The following THNSL1 variants were observed in gnomAD, a reference collection of about 807,000 sequenced individuals.
THNSL1 encodes the protein threonine synthase like 1, also known as threonine synthase-like 1.
Under a neutral mutation model 50.4 loss-of-function variants are expected in THNSL1, and 48 were observed. That is an observed-to-expected ratio of 0.95 (90% confidence interval 0.76 to 1.21). The LOEUF (loss-of-function observed/expected upper bound fraction) is 1.21, where lower values mean the gene tolerates loss of function less well. THNSL1 is among the 50% of genes most tolerant of loss of function. The probability of loss-of-function intolerance (pLI) is 0.00; values close to 1 mark genes in which losing one functional copy is unlikely to be tolerated. For missense variants in THNSL1, 896 were observed against 871.7 expected, an observed-to-expected ratio of 1.03 and a Z score of -0.35; for synonymous variants, 309 against 306.1, an observed-to-expected ratio of 1.01 and a Z score of -0.10.
At chr10:24,995,888 C>G in the THNSL1 span, 6 of 1,578,180 alleles carry the variant, frequency 3.8e-6, no homozygotes, top group African/African-American at 8.2e-5. Flanking sequence ...TATAACATTT[C>G]TTTGTTAATA....
At chr10:24,999,037 C>G in the THNSL1 span, among the ~76,000 whole-genome samples, 2 of 152,134 alleles carry the variant, frequency 1.3e-5, no homozygotes, top group African/African-American at 4.8e-5. Flanking sequence ...GGAGAAAAGG[C>G]CAGACAGGGT....
chr10:25,017,316 A>C (rs995488786), intron 1 of THNSL1, among the ~76,000 whole-genome samples: 1 of 152,172 alleles, frequency 6.6e-6, no homozygotes, highest in Admixed American at 6.5e-5. Flanking sequence ...TAGGAAAGTC[A>C]TTTAGACGCT....
chr10:25,016,044 T>A, upstream of THNSL1: 1 of 1,475,658 alleles, frequency 6.8e-7, no homozygotes, highest in Non-Finnish European at 9.0e-7. Context: ...CTTCGCCTTC[T>A]GAAGGACCAC....
the THNSL1 span, among the ~76,000 whole-genome samples, chr10:24,978,716 T>C: frequency 6.6e-6 from 1 of 152,184 alleles, no homozygotes; most frequent in Admixed American, 6.5e-5. Flanking sequence ...TATGTGTTGG[T>C]GCAAATCATT....
At chr10:24,986,926 G>A in the THNSL1 span, among the ~76,000 whole-genome samples, 2 of 151,916 alleles carry the variant, frequency 1.3e-5, no homozygotes, top group African/African-American at 2.4e-5. Context: ...AAATAATATC[G>A]TTCATTTTGG....
At chr10:25,001,924 C>T in the THNSL1 span, among the ~76,000 whole-genome samples, 5 of 152,178 alleles carry the variant, frequency 3.3e-5, no homozygotes, top group East Asian at 7.7e-4. Context: ...TGATTGGATG[C>T]CAAACATTGT....
the THNSL1 span, among the ~76,000 whole-genome samples, chr10:25,001,077 C>G: frequency 2.6e-5 from 4 of 151,856 alleles, no homozygotes; most frequent in African/African-American, 9.7e-5. Context: ...ATTATGTTCC[C>G]TTTATATAAT....
the THNSL1 span, among the ~76,000 whole-genome samples, chr10:25,010,675 A>G: frequency 7.0e-6 from 1 of 142,496 alleles, no homozygotes; most frequent in Non-Finnish European, 1.5e-5. Context: ...ATTCCCATCT[A>G]TGAGTGAGAA....
intron 1 of THNSL1, among the ~76,000 whole-genome samples, chr10:25,018,370 A>G (rs73608225): frequency 0.028 from 4,219 of 152,330 alleles, 133 homozygotes; most frequent in African/African-American, 0.074. Flanking sequence ...GTATATACCT[A>G]CAGGGATGAA....
At chr10:24,960,679 A>C in the THNSL1 span, among the ~76,000 whole-genome samples, 3 of 151,878 alleles carry the variant, frequency 2.0e-5, no homozygotes, top group African/African-American at 7.3e-5. Flanking sequence ...CACCTGCCTC[A>C]GCCTCCCAAA....
chr10:25,020,238 A>ATATATCTATCTATATC (rs1554772124), intron 1 of THNSL1, among the ~76,000 whole-genome samples: 8 of 126,634 alleles, frequency 6.3e-5, no homozygotes, highest in African/African-American at 1.8e-4. Context: ...TTTCTTTAAA[A>ATATATCTATCTATATC]TATATCTATA....
chr10:24,973,763 T>C, the THNSL1 span, among the ~76,000 whole-genome samples: 1 of 152,176 alleles, frequency 6.6e-6, no homozygotes, highest in Non-Finnish European at 1.5e-5. Context: ...TAACTCATTT[T>C]TTTCTTTTGA....
chr10:25,026,550 A>C lies in THNSL1; in HGVS notation c.*1095A>C, dbSNP rs1411063250. The C allele has an allele frequency of 1.2e-5, 2 of 166,756 alleles. No homozygotes were observed. Among genetic ancestry groups the C allele is most frequent in the Non-Finnish European group, 2.9e-5 (2 of 68,126 alleles). The allele number at this position is 166,756 out of a possible 1,614,324, so 10.3% of individuals were successfully genotyped here. ...CTTTTTCTGGCAGCTGAAACTGCAC[A>C]CAACTGATACACATATTTAATTTGT... On this transcript the variant is annotated 3_prime_UTR_variant, in exon 3 of 3. Transcript: ENST00000376356.
chr10:24,986,538 T>A, the THNSL1 span, among the ~76,000 whole-genome samples: 1 of 152,238 alleles, frequency 6.6e-6, no homozygotes, highest in African/African-American at 2.4e-5. Flanking sequence ...GTTCCCACAG[T>A]GCTCCACAGG....
At chr10:24,977,371 C>A in the THNSL1 span, among the ~76,000 whole-genome samples, 2 of 152,172 alleles carry the variant, frequency 1.3e-5, no homozygotes, top group South Asian at 2.1e-4. Flanking sequence ...TTCCTACTTA[C>A]CTTTGAGTAA....
At chr10:25,008,458 C>T in the THNSL1 span, among the ~76,000 whole-genome samples, 90 of 152,276 alleles carry the variant, frequency 5.9e-4, no homozygotes, top group African/African-American at 2.0e-3. Flanking sequence ...CATAACCATA[C>T]TTTAAACAAA....
At chr10:24,986,397 A>G in the THNSL1 span, among the ~76,000 whole-genome samples, 1 of 152,214 alleles carries the variant, frequency 6.6e-6, no homozygotes, top group Non-Finnish European at 1.5e-5. Flanking sequence ...GGATAGAAGA[A>G]AAAGTATCCA....
chr10:25,022,096 T>C (rs915370471), intron 2 of THNSL1, among the ~76,000 whole-genome samples, 188 bp downstream of exon 2: 4 of 152,198 alleles, frequency 2.6e-5, no homozygotes, highest in Admixed American at 2.0e-4. Flanking sequence ...AGCCCCACTA[T>C]GTGTCTGTGA....
chr10:24,994,645 G>A, the THNSL1 span, among the ~76,000 whole-genome samples: 6 of 152,074 alleles, frequency 3.9e-5, no homozygotes, highest in Non-Finnish European at 8.8e-5. Flanking sequence ...CATATTTTGT[G>A]TGTTTCAAGC....
Sources: gnomAD v4.1 joint callset for allele counts (sites outside exome capture counted in the v4.1 genomes callset) on GRCh38, gnomAD v4.1.1 for gene constraint, MANE v1.5 for transcripts, NCBI Gene and HGNC (gene_info 2026-07-23, HGNC 2026-07-21) for gene names.